PCDHGB1: variants seen among roughly 807,000 people sequenced by gnomAD.
PCDHGB1 encodes protocadherin gamma subfamily B, 1, also known as protocadherin gamma-B1.
In PCDHGB1, 34 loss-of-function variants were observed where a neutral mutation model predicts 56.6. The ratio of observed to expected loss-of-function variants is 0.60; its 90% CI spans 0.46 to 0.80. The LOEUF (loss-of-function observed/expected upper bound fraction) is 0.80, where lower values mean the gene tolerates loss of function less well. PCDHGB1 is among the 30% of genes least tolerant of loss of function. PCDHGB1 has a pLI of 0.00. For missense variants in PCDHGB1, 1,278 were observed against 1,204.6 expected (o/e 1.06, Z -0.90); for synonymous variants, 561 against 505.9 (o/e 1.11, Z -1.46).
intron 1 of PCDHGB1, chr5:141,393,901 G>T: frequency 6.2e-7 from 1 of 1,613,894 alleles, no homozygotes; most frequent in Non-Finnish European, 8.5e-7. Context: ...TCTCTTCCCG[G>T]GACAGTAATT....
chr5:141,426,270 G>A lies in PCDHGB1; in HGVS notation c.2410-68537G>A, dbSNP rs999517850. On this transcript the variant is annotated intron_variant, in intron 1 of 3. Coordinates refer to ENST00000523390, the MANE Select transcript of PCDHGB1 (RefSeq NM_018922.3). Reference sequence around the variant, plus strand: ...TTTTCTCTTAACGTCGGAGACTGCAGCAACGCATGGGAAGGATGGGAAACA... The same window carrying A: ...TTTTCTCTTAACGTCGGAGACTGCAACAACGCATGGGAAGGATGGGAAACA... 2.6e-4 allele frequency: 43 copies of A among 163,626 alleles called. 1 individual carries two copies. The highest frequency in any genetic ancestry group is 3.0e-3 in the Middle Eastern group (1 of 328). 10.1% of individuals were successfully genotyped at this position (163,626 alleles called of 1,614,324 possible).
At chr5:141,383,976 C>G in intron 1 of PCDHGB1, 1 of 1,613,760 alleles carries the variant, frequency 6.2e-7, no homozygotes, top group Non-Finnish European at 8.5e-7. Flanking sequence ...TCCCTGAAGA[C>G]ACACCTCTTG....
intron 1 of PCDHGB1, chr5:141,405,288 T>C: frequency 6.2e-7 from 1 of 1,614,110 alleles, no homozygotes; most frequent in African/African-American, 1.3e-5. Context: ...GCAGACACAC[T>C]CATCAGCCAG....
intron 1 of PCDHGB1, chr5:141,387,798 G>T: frequency 6.6e-7 from 1 of 1,505,108 alleles, no homozygotes; most frequent in Non-Finnish European, 8.9e-7. Context: ...ACTAAAGTCC[G>T]TTCGGAGATC....
Position 141,486,880 on chromosome 5 carries a change from G to T in PCDHGB1, c.2410-7927G>T. On this transcript the variant is annotated intron_variant, in intron 1 of 3. Transcript: ENST00000523390. The surrounding 1 kb of genome is among the most constrained non-coding windows in gnomAD (Gnocchi z 5.0). The stretch of plus-strand genomic sequence containing the variant: ...ATGCTCCAGCTGTGCTCCGTCCTCG[G>T]GCCCGGCCTGGTTCCTTATGTCCCC... The T allele has an allele frequency of 6.2e-7, 1 of 1,614,212 alleles. No homozygotes were observed. Among genetic ancestry groups the T allele is most frequent in the East Asian group, 2.2e-5 (1 of 44,882 alleles).
intron 1 of PCDHGB1, chr5:141,421,202 C>A: frequency 1.3e-6 from 2 of 1,519,344 alleles, no homozygotes; most frequent in Non-Finnish European, 1.8e-6. Flanking sequence ...CTCGAGAAAC[C>A]GCGGAATATC....
At chr5:141,361,618 G>A in intron 1 of PCDHGB1, 1 of 1,613,956 alleles carries the variant, frequency 6.2e-7, no homozygotes, top group Non-Finnish European at 8.5e-7. Context: ...CGTAGCGAGC[G>A]ACCTGAAGCC....
chr5:141,502,238 T>C (rs2099813398), intron 2 of PCDHGB1, among the ~76,000 whole-genome samples: 1 of 152,204 alleles, frequency 6.6e-6, no homozygotes, highest in Admixed American at 6.5e-5. Flanking sequence ...TGTGTTCTTT[T>C]ATCCTTTTTT....
intron 3 of PCDHGB1, 69 bp from the exon 4 acceptor site, chr5:141,510,878 G>A (rs896348248): frequency 6.2e-7 from 1 of 1,610,438 alleles, no homozygotes; most frequent in African/African-American, 1.3e-5. Context: ...TTAACTGCTG[G>A]GGATATAAGA....
chr5:141,503,912 A>AAC (rs34419983), intron 2 of PCDHGB1, among the ~76,000 whole-genome samples: 3 of 152,280 alleles, frequency 2.0e-5, no homozygotes, highest in East Asian at 3.9e-4. Context: ...CACACAACGC[A>AAC]ACACACACAC....
intron 1 of PCDHGB1, chr5:141,385,286 A>G: frequency 3.1e-6 from 5 of 1,613,826 alleles, no homozygotes; most frequent in Non-Finnish European, 4.2e-6. Flanking sequence ...ACATCCGTAG[A>G]TTTTCAGGAA....
Position 141,456,380 on chromosome 5 carries a change from C to T in PCDHGB1, c.2410-38427C>T, listed in dbSNP as rs186993611. ...CCATGTGTGGTTCAGTTTACAGCAC[C>T]GTTTGGAGTTTGATTGCTTCTAGGC... is the stretch of plus-strand genomic sequence containing the variant. On this transcript the variant is annotated intron_variant, in intron 1 of 3. Coordinates refer to ENST00000523390, the MANE Select transcript of PCDHGB1 (RefSeq NM_018922.3). Among the ~76,000 whole-genome samples, 427 of 152,082 alleles carry T rather than the reference C, an allele frequency of 2.8e-3. 1 individual carries two copies. Among genetic ancestry groups the T allele is most frequent in the Non-Finnish European group, 2.7e-3 (184 of 68,004 alleles).
chr5:141,410,104 C>T, intron 1 of PCDHGB1: 1 of 1,612,582 alleles, frequency 6.2e-7, no homozygotes, highest in African/African-American at 1.3e-5. Context: ...CCTTAGGCGA[C>T]AGGGACGCAG....
chr5:141,391,873 T>G (rs1023590638), intron 1 of PCDHGB1: 2 of 152,216 alleles, frequency 1.3e-5, no homozygotes, highest in African/African-American at 4.8e-5. Flanking sequence ...TAATCATCTC[T>G]TTGGTGAAAG....
chr5:141,419,894 C>T (rs1590201850), intron 1 of PCDHGB1: 2 of 1,613,926 alleles, frequency 1.2e-6, no homozygotes, highest in East Asian at 2.2e-5. Flanking sequence ...CAGCGACCAT[C>T]CCACACCCTC....
At chr5:141,409,522 G>C in intron 1 of PCDHGB1, 4 of 1,613,992 alleles carry the variant, frequency 2.5e-6, no homozygotes, top group Non-Finnish European at 3.4e-6. Context: ...GCATCACCTT[G>C]TATGTCGCTG....
At chr5:141,415,737 A>G in intron 1 of PCDHGB1, 1 of 574,948 alleles carries the variant, frequency 1.7e-6, no homozygotes, top group Non-Finnish European at 2.5e-6. Flanking sequence ...GATGTTTATT[A>G]AGGTTTTTTT....
In PCDHGB1 at chr5:141,422,644, T is replaced by C. The variant is rs770618826; in HGVS notation, c.2409+69975T>C. 9 of 1,612,266 alleles carry C rather than the reference T, an allele frequency of 5.6e-6. No homozygotes were observed. The Admixed American group carries it at 1.5e-4, about 27-fold the overall frequency. ...AAACAACCCCAGGGGTGCCTCCATC[T>C]TCTCAGTGACCGCCCTCGACCCGGA... On this transcript the variant is annotated intron_variant, in intron 1 of 3. Coordinates refer to ENST00000523390, the MANE Select transcript of PCDHGB1 (RefSeq NM_018922.3).
At position 141,471,056 on chromosome 5, in the gene PCDHGB1, T is replaced by C. The variant is rs1367189715; in HGVS notation, c.2410-23751T>C. On this transcript the variant is annotated intron_variant, in intron 1 of 3. Coordinates refer to ENST00000523390, the MANE Select transcript of PCDHGB1 (RefSeq NM_018922.3). ...ACAAGCCCAAGCCCTCTTTTTTTTT[T>C]TTTTTTTTTTGAGACAGGGTCTCCC... Among the ~76,000 whole-genome samples, 581 of 150,056 alleles carry C rather than the reference T, an allele frequency of 3.9e-3. 6 individuals are homozygous for C. Among genetic ancestry groups the C allele is most frequent in the Admixed American group, 0.011 (167 of 15,092 alleles).
Sources: gnomAD v4.1 joint callset for allele counts (sites outside exome capture counted in the v4.1 genomes callset) on GRCh38, gnomAD v4.1.1 for gene constraint, Gnocchi (gnomAD v3.1) non-coding constraint, MANE v1.5 for transcripts, NCBI Gene and HGNC (gene_info 2026-07-23, HGNC 2026-07-21) for gene names.